KLHL29: variants seen among roughly 807,000 people sequenced by gnomAD.
KLHL29 encodes kelch-like protein 29.
Under a neutral mutation model 80.4 loss-of-function variants are expected in KLHL29, and 21 were observed. The ratio of observed to expected loss-of-function variants is 0.26; its 90% CI spans 0.19 to 0.38. The LOEUF (loss-of-function observed/expected upper bound fraction) is 0.38. Ranked by LOEUF, KLHL29 falls within the 10% of genes least tolerant of loss-of-function variation. The pLI is 1.00. For missense variants in KLHL29, 867 were observed against 1,223.9 expected (o/e 0.71, Z 4.35); for synonymous variants, 511 against 526.8 (o/e 0.97, Z 0.41).
chr2:23,697,600 T>G (rs2149215852), intron 11 of KLHL29: 1 of 152,348 alleles, frequency 6.6e-6, no homozygotes, highest in Non-Finnish European at 1.5e-5. Flanking sequence ...ACTTGACAAA[T>G]GTTACAGCAA....
intron 2 of KLHL29, among the ~76,000 whole-genome samples, chr2:23,507,854 T>C (rs1572364640): frequency 6.6e-6 from 1 of 152,256 alleles, no homozygotes; most frequent in East Asian, 1.9e-4. Flanking sequence ...CTAAGATCAC[T>C]TCTAGCCTGA....
chr2:23,591,908 A>G (rs1313571669), intron 3 of KLHL29, among the ~76,000 whole-genome samples: 21 of 152,040 alleles, frequency 1.4e-4, no homozygotes, highest in Admixed American at 1.3e-3. Context: ...CTCTTCCTTT[A>G]TCTCCAGAAA....
chr2:23,679,334 C>T (rs1671011528), intron 5 of KLHL29, among the ~76,000 whole-genome samples: 1 of 152,214 alleles, frequency 6.6e-6, no homozygotes, highest in Non-Finnish European at 1.5e-5. Flanking sequence ...CTAAATGCCT[C>T]ATCTGGGACA....
At chr2:23,532,173 G>T (rs1237707715) in intron 2 of KLHL29, among the ~76,000 whole-genome samples, 1 of 152,252 alleles carries the variant, frequency 6.6e-6, no homozygotes, top group Non-Finnish European at 1.5e-5. Context: ...TTCCTGGTGG[G>T]AGAGGGGTGG....
chr2:23,617,647 C>T (rs1331193064), intron 3 of KLHL29: 1 of 152,166 alleles, frequency 6.6e-6, no homozygotes, highest in African/African-American at 2.4e-5. Context: ...GTGGGTGGAC[C>T]AGCTCCTGTG....
chr2:23,514,182 G>T (rs1442508609), intron 2 of KLHL29, among the ~76,000 whole-genome samples: 1 of 152,186 alleles, frequency 6.6e-6, no homozygotes, highest in Non-Finnish European at 1.5e-5. Context: ...CTGTAATTAT[G>T]CTGCCAGGGA....
intron 5 of KLHL29, among the ~76,000 whole-genome samples, chr2:23,662,790 T>G (rs1198877814): frequency 6.6e-6 from 1 of 152,144 alleles, no homozygotes; most frequent in Non-Finnish European, 1.5e-5. Context: ...GGGCTTTACC[T>G]TCCCAGGGAA....
chr2:23,437,230 C>T (rs968566270), intron 1 of KLHL29, among the ~76,000 whole-genome samples: 2 of 152,200 alleles, frequency 1.3e-5, no homozygotes, highest in East Asian at 3.8e-4. Context: ...TCTAGTTTAT[C>T]TGGGAGCAGC....
chr2:23,485,388 G>T (rs1257017655), intron 2 of KLHL29, among the ~76,000 whole-genome samples: 1 of 152,212 alleles, frequency 6.6e-6, no homozygotes, highest in East Asian at 1.9e-4. Flanking sequence ...GTGTGTGAAA[G>T]GAGCCAGCCA....
chr2:23,612,474 G>A (rs1298599225), intron 3 of KLHL29, among the ~76,000 whole-genome samples: 1 of 152,226 alleles, frequency 6.6e-6, no homozygotes, highest in Non-Finnish European at 1.5e-5. Flanking sequence ...GCTGGGTGTG[G>A]TGGTTCATGC....
At chr2:23,434,894 G>A (rs1423834429) in intron 1 of KLHL29, among the ~76,000 whole-genome samples, 2 of 152,186 alleles carry the variant, frequency 1.3e-5, no homozygotes, top group African/African-American at 2.4e-5. Flanking sequence ...GAGAGGGGGT[G>A]GGGAGTGTCA....
intron 11 of KLHL29, among the ~76,000 whole-genome samples, chr2:23,702,857 T>C (rs1163980650): frequency 3.3e-5 from 5 of 152,248 alleles, no homozygotes; most frequent in African/African-American, 9.6e-5. Context: ...CAGTCCAGCA[T>C]TGCGGAATGC....
chr2:23,621,232 C>T (rs1208191423), intron 3 of KLHL29, among the ~76,000 whole-genome samples: 1 of 152,214 alleles, frequency 6.6e-6, no homozygotes, highest in Non-Finnish European at 1.5e-5. Flanking sequence ...CAGGTCCCAC[C>T]CACAGCCTTC....
intron 1 of KLHL29, among the ~76,000 whole-genome samples, chr2:23,434,850 G>A (rs982012552): frequency 1.1e-4 from 16 of 152,284 alleles, no homozygotes; most frequent in Admixed American, 5.2e-4. Context: ...GCCCAGCATC[G>A]TGTGGTCGAG....
chr2:23,608,341 TGA>T (rs1668779292), intron 3 of KLHL29, among the ~76,000 whole-genome samples: 1 of 152,220 alleles, frequency 6.6e-6, no homozygotes, highest in Admixed American at 6.5e-5. Flanking sequence ...CACGCGCCTG[TGA>T]GGTCTCTTGC....
At chr2:23,674,756 C>T (rs1369636085) in intron 5 of KLHL29, among the ~76,000 whole-genome samples, 1 of 145,364 alleles carries the variant, frequency 6.9e-6, no homozygotes, top group African/African-American at 2.5e-5. Context: ...TCGAGTCTCT[C>T]TTCTGGCCCT....
At chr2:23,569,700 G>C (rs1169541632) in intron 3 of KLHL29, among the ~76,000 whole-genome samples, 1 of 152,070 alleles carries the variant, frequency 6.6e-6, no homozygotes, top group African/African-American at 2.4e-5. Context: ...TTGTTAACTA[G>C]GAACCGTCTG....
At chr2:23,415,103 C>T (rs1218578098) in intron 1 of KLHL29, among the ~76,000 whole-genome samples, 1 of 152,218 alleles carries the variant, frequency 6.6e-6, no homozygotes, top group Non-Finnish European at 1.5e-5. Context: ...ACCAAGCTTC[C>T]AAAAGTGGGT....
chr2:23,567,377 T>A (rs1667612846), intron 3 of KLHL29, among the ~76,000 whole-genome samples: 1 of 151,906 alleles, frequency 6.6e-6, no homozygotes, highest in African/African-American at 2.4e-5. Context: ...CCCTTGAAAA[T>A]AAATCTAGCT....
Sources: gnomAD v4.1 joint callset for allele counts (sites outside exome capture counted in the v4.1 genomes callset) on GRCh38, gnomAD v4.1.1 for gene constraint, MANE v1.5 for transcripts, NCBI Gene and HGNC (gene_info 2026-07-23, HGNC 2026-07-21) for gene names.